EYS: variants seen among roughly 807,000 people sequenced by gnomAD.
The protein encoded by EYS is protein eyes shut homolog.
EYS carries 250 observed loss-of-function variants against 282.1 expected under a neutral mutation model. The observed-to-expected ratio is 0.89, with a 90% CI of 0.80 to 0.98. The LOEUF (loss-of-function observed/expected upper bound fraction) is 0.98, where lower values mean the gene tolerates loss of function less well. EYS is among the 50% of genes least tolerant of loss of function. The pLI is 0.00. For synonymous variants in EYS, 1,355 were observed against 1,282.9 expected, an observed-to-expected ratio of 1.06 and a Z score of -1.20; for missense variants, 4,016 against 3,709.0, an observed-to-expected ratio of 1.08 and a Z score of -2.15.
chr6:64,218,498 A>G (rs758234524), intron 31 of EYS, among the ~76,000 whole-genome samples: 2 of 152,168 alleles, frequency 1.3e-5, no homozygotes, highest in Non-Finnish European at 2.9e-5. Flanking sequence ...AATCACATTT[A>G]CACTGACCAA....
At chr6:65,420,440 T>C (rs1446452398) in intron 5 of EYS, among the ~76,000 whole-genome samples, 2 of 146,962 alleles carry the variant, frequency 1.4e-5, no homozygotes, top group African/African-American at 5.4e-5. Context: ...GGCTCCACTT[T>C]TCATTCTAGT....
chr6:65,337,104 T>C (rs1265842641), intron 10 of EYS, among the ~76,000 whole-genome samples: 5 of 151,474 alleles, frequency 3.3e-5, no homozygotes. Context: ...GATATCTAAA[T>C]AGATGAATGT....
At chr6:65,007,278 C>A (rs994968860) in intron 13 of EYS, among the ~76,000 whole-genome samples, 4 of 151,966 alleles carry the variant, frequency 2.6e-5, no homozygotes, top group Non-Finnish European at 5.9e-5. Context: ...ATCCCTATGT[C>A]CTTTTATCAG....
At position 64,926,925 on chromosome 6, in the gene EYS, G is replaced by A. The variant is rs144604152; in HGVS notation, c.2382-14182C>T. Among the ~76,000 whole-genome samples, 22 of 152,226 alleles carry A rather than the reference G, an allele frequency of 1.4e-4. No individual in the cohort carries two copies. The East Asian group carries it at 4.1e-3, about 28-fold the overall frequency. On this transcript the variant is annotated intron_variant, in intron 15 of 42. Coordinates refer to ENST00000503581, the MANE Select transcript of EYS (RefSeq NM_001142800.2). ...GAGCAAATATAAAGACTATACAGGC[G>A]ATATACGTCATGATTTTTTTACAAA...
At chr6:65,177,550 C>CT (rs1163034791) in intron 12 of EYS, among the ~76,000 whole-genome samples, 12 of 151,718 alleles carry the variant, frequency 7.9e-5, no homozygotes, top group Non-Finnish European at 1.2e-4. Flanking sequence ...TTGTATCTGT[C>CT]TTTTTTTAGC....
At chr6:63,752,220 C>T (rs1769355389) in intron 41 of EYS, among the ~76,000 whole-genome samples, 1 of 150,362 alleles carries the variant, frequency 6.7e-6, no homozygotes, top group East Asian at 2.0e-4. Flanking sequence ...TGACTATTTT[C>T]TGGCTGACAC....
intron 13 of EYS, among the ~76,000 whole-genome samples, chr6:65,038,824 GA>G (rs1772845412): frequency 6.6e-6 from 1 of 151,194 alleles, no homozygotes; most frequent in African/African-American, 2.4e-5. Context: ...TTAATCATAA[GA>G]ATTTTTTACT....
At chr6:65,008,725 C>T (rs1048502184) in intron 13 of EYS, among the ~76,000 whole-genome samples, 4 of 152,204 alleles carry the variant, frequency 2.6e-5, no homozygotes, top group African/African-American at 9.6e-5. Flanking sequence ...AGATGATCCA[C>T]CAGCAGGACT....
At chr6:64,834,252 A>T (rs7766774) in intron 19 of EYS, among the ~76,000 whole-genome samples, 6 of 151,914 alleles carry the variant, frequency 3.9e-5, no homozygotes, top group South Asian at 2.1e-4. Context: ...ATTTAAAAAA[A>T]GCTCATGATT....
intron 19 of EYS, among the ~76,000 whole-genome samples, chr6:64,826,507 C>T (rs1461531647): frequency 1.3e-5 from 2 of 151,594 alleles, no homozygotes; most frequent in Non-Finnish European, 2.9e-5. Context: ...TACTAGTCCG[C>T]CTCAACATCT....
At chr6:64,273,365 TGTTG>T (rs1233676645) in intron 30 of EYS, among the ~76,000 whole-genome samples, 1 of 152,230 alleles carries the variant, frequency 6.6e-6, no homozygotes, top group East Asian at 1.9e-4. Flanking sequence ...TTAACGTCAT[TGTTG>T]GTTAAAGTAA....
intron 31 of EYS, among the ~76,000 whole-genome samples, chr6:64,218,006 TAG>T (rs1201655651): frequency 6.6e-6 from 1 of 152,184 alleles, no homozygotes; most frequent in Admixed American, 6.5e-5. Flanking sequence ...GCTGTCTGTG[TAG>T]AGAGACTTCT....
chr6:65,355,931 G>GA (rs1562118372), intron 8 of EYS, among the ~76,000 whole-genome samples: 2 of 152,002 alleles, frequency 1.3e-5, no homozygotes, highest in Non-Finnish European at 2.9e-5. Context: ...ATTTCTCAGA[G>GA]AACTAAAAAC....
chr6:64,759,071 G>A (rs1773074856), intron 22 of EYS, among the ~76,000 whole-genome samples: 1 of 152,068 alleles, frequency 6.6e-6, no homozygotes, highest in Non-Finnish European at 1.5e-5. Flanking sequence ...CCCGGGAGGC[G>A]AAGCTTGCAG....
At chr6:64,448,716 A>C (rs1775209167) in intron 26 of EYS, among the ~76,000 whole-genome samples, 1 of 152,320 alleles carries the variant, frequency 6.6e-6, no homozygotes, top group South Asian at 2.1e-4. Context: ...GCTGTTCTGC[A>C]TCCTCCACTG....
intron 1 of EYS, among the ~76,000 whole-genome samples, chr6:65,660,462 T>C (rs929214499): frequency 6.6e-6 from 1 of 151,796 alleles, no homozygotes; most frequent in African/African-American, 2.4e-5. Context: ...TTCATGGCAC[T>C]TTATTTTAAT....
chr6:64,311,799 A>G (rs964885688), intron 29 of EYS, among the ~76,000 whole-genome samples: 1 of 152,108 alleles, frequency 6.6e-6, no homozygotes, highest in African/African-American at 2.4e-5. Context: ...AGCCAAGGGA[A>G]GCCATAAGAG....
At chr6:63,911,277 A>G (rs2149737936) in intron 35 of EYS, among the ~76,000 whole-genome samples, 1 of 152,354 alleles carries the variant, frequency 6.6e-6, no homozygotes, top group Admixed American at 6.5e-5. Context: ...TGTCAGAAAT[A>G]ATATATTCTG....
In EYS at chr6:65,330,583, T is replaced by C; in HGVS notation, c.1766+4397A>G. 3 of 970,130 alleles carry C rather than the reference T, an allele frequency of 3.1e-6. No homozygotes were observed. In the African/African-American group the frequency reaches 5.3e-5, roughly 17 times the overall value. The allele number at this position is 970,130 out of a possible 1,614,324, so 60.1% of individuals were successfully genotyped here. On this transcript the variant is annotated intron_variant, in intron 11 of 42. Transcript: ENST00000503581. The stretch of plus-strand genomic sequence containing the variant: ...ACCTGTTTGCAATACATCATTTATA[T>C]AATGAATTTTAATCTGCACCCATTT...
Sources: allele counts gnomAD v4.1 joint callset (sites outside exome capture counted in the v4.1 genomes callset), GRCh38; gene constraint gnomAD v4.1.1; transcripts MANE v1.5; gene names NCBI Gene and HGNC (gene_info 2026-07-23, HGNC 2026-07-21).